CFAP70: variants seen among roughly 807,000 people sequenced by gnomAD.
CFAP70 encodes cilia- and flagella-associated protein 70.
In CFAP70, 81 loss-of-function variants were observed where a neutral mutation model predicts 137.6. That is an observed-to-expected ratio of 0.59 (90% CI 0.49 to 0.71). The LOEUF (loss-of-function observed/expected upper bound fraction) is 0.71. Among genes scored for constraint, CFAP70 ranks in the 30% least tolerant of loss-of-function variants. CFAP70 has a pLI of 0.00. For synonymous variants in CFAP70, 382 were observed against 423.6 expected (o/e 0.90, Z 1.20); for missense variants, 976 against 1,226.7 (o/e 0.80, Z 3.05).
intron 5 of CFAP70, among the ~76,000 whole-genome samples, chr10:73,342,932 C>T (rs1377611609): frequency 6.6e-6 from 1 of 151,736 alleles, no homozygotes; most frequent in Admixed American, 6.6e-5. Flanking sequence ...AAAATTAAGC[C>T]GGGCGCAGTG....
rs4498898 is a variant in CFAP70 at position 73,310,403 on chromosome 10, T to A, written c.1165-154A>T. 0.096 allele frequency: 42,402 copies of A among 443,716 alleles called. 3,189 individuals are homozygous for A. The highest frequency in any genetic ancestry group is 0.28 in the East Asian group (7,243 of 25,760). The allele number at this position is 443,716 out of a possible 1,614,324, so 27.5% of individuals were successfully genotyped here. ...CTCAACTGTTAAAATACTTTTCACATAGAAAAATAACTGGAAAGAAATATA... is the reference window on the plus strand; with the variant it reads ...CTCAACTGTTAAAATACTTTTCACAAAGAAAAATAACTGGAAAGAAATATA... On this transcript the variant is annotated intron_variant, in intron 11 of 26. Transcript: ENST00000310715.
intron 22 of CFAP70, 51 bp from the exon 24 acceptor site, chr10:73,274,645 T>C (rs2046559469): frequency 1.4e-6 from 2 of 1,458,664 alleles, no homozygotes; most frequent in Non-Finnish European, 1.9e-6. Context: ...TATTTAAAAG[T>C]ACCTTGATGA....
intron 12 of CFAP70, among the ~76,000 whole-genome samples, chr10:73,307,222 GAAAGA>G (rs1037399324): frequency 1.3e-5 from 2 of 151,872 alleles, no homozygotes; most frequent in African/African-American, 4.8e-5. Context: ...CACAGAAAAG[GAAAGA>G]AGAGGGAAAT....
At chr10:73,310,661 C>A (rs1460473548) in intron 11 of CFAP70, among the ~76,000 whole-genome samples, 2 of 152,206 alleles carry the variant, frequency 1.3e-5, no homozygotes, top group Non-Finnish European at 2.9e-5. Flanking sequence ...CATCTACCAA[C>A]TCCAAGTGCT....
At chr10:73,331,692 T>A (rs533830713) in intron 7 of CFAP70, among the ~76,000 whole-genome samples, 2 of 152,240 alleles carry the variant, frequency 1.3e-5, no homozygotes, top group South Asian at 4.2e-4. Flanking sequence ...AAAAAAAATT[T>A]TTTTTCTTAC....
chr10:73,330,406 T>C (rs28545178), intron 8 of CFAP70, among the ~76,000 whole-genome samples: 15,580 of 145,904 alleles, frequency 0.11, 1,185 homozygotes, highest in East Asian at 0.3. Flanking sequence ...GCCAAGATTG[T>C]GCCACTGTAC....
intron 15 of CFAP70, chr10:73,295,750 C>T (rs2048506118): frequency 6.6e-6 from 1 of 152,128 alleles, no homozygotes; most frequent in South Asian, 2.1e-4. Context: ...ATTTTTCATT[C>T]ATTCCTTAAA....
intron 9 of CFAP70, among the ~76,000 whole-genome samples, chr10:73,313,082 A>C (rs1189952040): frequency 6.6e-6 from 1 of 152,168 alleles, no homozygotes; most frequent in Non-Finnish European, 1.5e-5. Context: ...CAAAAAGATC[A>C]GCGAGGTGGG....
chr10:73,254,125 CCT>C (rs3830554), intron 26 of CFAP70, 70 bp from the exon 28 acceptor site: 103,510 of 1,292,506 alleles, frequency 0.08, 6,560 homozygotes, highest in East Asian at 0.29. Flanking sequence ...TTTGAAGACC[CCT>C]CTTTTGTGGG....
intron 1 of CFAP70, among the ~76,000 whole-genome samples, chr10:73,355,934 G>A (rs1257144533): frequency 6.6e-6 from 1 of 152,158 alleles, no homozygotes; most frequent in Non-Finnish European, 1.5e-5. Context: ...GGGGACTGCT[G>A]CCATACACTG....
In CFAP70 at chr10:73,291,408, ATTCGAATATCATT is replaced by A; in HGVS notation, c.2044_2056del (p.Asn682TrpfsTer21). Reference sequence around the variant, plus strand: ...GGAGGCCTCATGAAATGCCATTTCCATTCGAATATCATTGTTTTGAATTTCATAGTACAAACCT... The same window carrying A: ...GGAGGCCTCATGAAATGCCATTTCCAGTTTTGAATTTCATAGTACAAACCT... On this transcript the variant is annotated frameshift_variant, in exon 19 of 27. Coordinates refer to ENST00000310715, the Ensembl canonical transcript of CFAP70. LOFTEE classifies it high-confidence loss of function. 1 of 1,614,222 alleles carries A rather than the reference ATTCGAATATCATT, an allele frequency of 6.2e-7. No homozygotes were observed. Among genetic ancestry groups the A allele is most frequent in the South Asian group, 1.1e-5 (1 of 91,086 alleles).
intron 25 of CFAP70, among the ~76,000 whole-genome samples, chr10:73,263,992 GT>G (rs2045522260): frequency 6.6e-6 from 1 of 151,938 alleles, no homozygotes; most frequent in Non-Finnish European, 1.5e-5. Context: ...ATTCTTATTT[GT>G]AATCCTTTTC....
At chr10:73,274,438 T>G in exon 23 of CFAP70, 1 of 1,609,882 alleles carries the variant, frequency 6.2e-7, no homozygotes, top group Non-Finnish European at 8.5e-7. Flanking sequence ...CTCACCTCTT[T>G]CTCTTCCAGA....
At chr10:73,317,902 A>G (rs1274222607) in intron 9 of CFAP70, among the ~76,000 whole-genome samples, 3 of 152,104 alleles carry the variant, frequency 2.0e-5, no homozygotes, top group Non-Finnish European at 2.9e-5. Flanking sequence ...GCTTGGTGCT[A>G]TCCTTGAAGT....
At chr10:73,330,131 T>G (rs537333101) in intron 8 of CFAP70, among the ~76,000 whole-genome samples, 1 of 152,212 alleles carries the variant, frequency 6.6e-6, no homozygotes, top group East Asian at 1.9e-4. Flanking sequence ...TCATCTATTA[T>G]AATAATAATT....
intron 3 of CFAP70, among the ~76,000 whole-genome samples, 187 bp from the exon 4 acceptor site, chr10:73,348,708 T>G (rs1250443088): frequency 1.3e-5 from 2 of 152,216 alleles, no homozygotes; most frequent in Non-Finnish European, 2.9e-5. Flanking sequence ...TTTGAACTTT[T>G]TGCCTGCAAG....
intron 19 of CFAP70, among the ~76,000 whole-genome samples, chr10:73,282,933 A>T (rs1000827291): frequency 6.7e-5 from 10 of 149,978 alleles, no homozygotes; most frequent in Non-Finnish European, 1.5e-4. Flanking sequence ...CCGGAGTTAA[A>T]GTGATTGTCC....
Position 73,278,242 on chromosome 10 carries a change from A to G in CFAP70, c.2335T>C (p.Trp779Arg), listed in dbSNP as rs1281187576. 1 of 1,613,978 alleles carries G rather than the reference A, an allele frequency of 6.2e-7. No individual in the cohort carries two copies. The highest frequency in any genetic ancestry group is 1.7e-5 in the Admixed American group (1 of 60,008). The change falls in exon 20 of 27, where the codon TGG becomes CGG. Residue 779 changes from tryptophan (W) to arginine (R), a missense_variant. Trp to Arg is a moderately radical substitution (Grantham distance 101). Coordinates refer to ENST00000310715, the Ensembl canonical transcript of CFAP70. ...GGTTTTTGGCTTATACTTGGATCCC[A>G]AGTTTGTGTAGTCAAAATGGGTTCT...
upstream of CFAP70, among the ~76,000 whole-genome samples, chr10:73,362,477 T>C (rs188925807): frequency 5.3e-4 from 81 of 152,316 alleles, 1 homozygote; most frequent in African/African-American, 1.7e-3. Flanking sequence ...GTAGTTTTCA[T>C]TGTAGAGATC....
Sources: gnomAD v4.1 joint callset for allele counts (sites outside exome capture counted in the v4.1 genomes callset) on GRCh38, gnomAD v4.1.1 for gene constraint, MANE v1.5 for transcripts, NCBI Gene and HGNC (gene_info 2026-07-23, HGNC 2026-07-21) for gene names.